Variants in SH3BP5L observed in about 807,000 individuals in gnomAD.
SH3BP5L encodes the protein SH3 domain-binding protein 5-like.
In SH3BP5L, 16 loss-of-function variants were observed where a neutral mutation model predicts 40.9. The observed-to-expected ratio is 0.39, with a 90% CI of 0.27 to 0.59. SH3BP5L has a LOEUF of 0.59. Ranked by LOEUF, SH3BP5L falls within the 20% of genes least tolerant of loss-of-function variation. SH3BP5L has a pLI of 0.53. For synonymous variants in SH3BP5L, 229 were observed against 226.7 expected (o/e 1.01, Z -0.09); for missense variants, 471 against 544.6 (o/e 0.86, Z 1.35).
chr1:248,814,431 T>C lies in SH3BP5L; in HGVS notation c.537+18A>G, dbSNP rs1279553056. ...ACGAGAACCAGCGAAGGGGACCTGC[T>C]GGCACCGCCCGGCTCACCTTGCAGG... On this transcript the variant is annotated intron_variant, in intron 5 of 6. Coordinates refer to ENST00000366472, the MANE Select transcript of SH3BP5L (RefSeq NM_030645.3). The C allele has an allele frequency of 1.9e-6, 3 of 1,613,374 alleles. No individual in the cohort carries two copies. Among genetic ancestry groups the C allele is most frequent in the Admixed American group, 1.7e-5 (1 of 59,982 alleles).
In SH3BP5L at chr1:248,824,182, T is replaced by C. The variant is rs190282715; in HGVS notation, c.183+571A>G. Among the ~76,000 whole-genome samples, 889 of 152,342 alleles carry C rather than the reference T, an allele frequency of 5.8e-3. 4 individuals carry two copies. The highest frequency in any genetic ancestry group is 9.3e-3 in the Non-Finnish European group (633 of 68,034). On this transcript the variant is annotated intron_variant, in intron 2 of 6. Transcript: ENST00000366472. ...CAAAAGTTACAAATCCTTGAACATATGGGGTTTCTTTATAGATCTAAAGTT... is the reference window on the plus strand; with the variant it reads ...CAAAAGTTACAAATCCTTGAACATACGGGGTTTCTTTATAGATCTAAAGTT...
rs553714887 is a variant in SH3BP5L at position 248,821,289 on chromosome 1, T to A, written c.183+3464A>T. The A allele has an allele frequency of 1.3e-5, 2 of 152,410 alleles. No homozygotes were observed. The highest frequency in any genetic ancestry group is 1.9e-4 in the East Asian group (1 of 5,184). 9.4% of individuals were successfully genotyped at this position (152,410 alleles called of 1,614,324 possible). A position where few individuals can be genotyped will look rare whatever the true frequency, so the allele number is the denominator to read the frequency against. On this transcript the variant is annotated intron_variant, in intron 2 of 6. Transcript: ENST00000366472. This position sits in a 1 kb window ranked among gnomAD's most constrained non-coding sequence, Gnocchi z 4.6. ...GAAACGGAATTTGGGGAGGACAAAG[T>A]CTGAATCAACGTGCATCATCCATCA...
rs1663883711 is a variant in SH3BP5L at position 248,810,753 on chromosome 1, C to A, written c.*1147G>T. 6.6e-6 allele frequency: 1 copy of A among 152,382 alleles called. No homozygotes were observed. Among genetic ancestry groups the A allele is most frequent in the Non-Finnish European group, 1.5e-5 (1 of 68,080 alleles). The allele number at this position is 152,382 out of a possible 1,614,324, so 9.4% of individuals were successfully genotyped here. On this transcript the variant is annotated 3_prime_UTR_variant, in exon 7 of 7. Transcript: ENST00000366472. Reference sequence around the variant, plus strand: ...CCCAAGGCACCCAGATCTGGTGTGGCTTCCCTACAAACTGGGAGCACTGCC... The same window carrying A: ...CCCAAGGCACCCAGATCTGGTGTGGATTCCCTACAAACTGGGAGCACTGCC...
chr1:248,824,971 G>C lies in SH3BP5L; in HGVS notation c.-36C>G, dbSNP rs1215424697. The C allele has an allele frequency of 2.5e-6, 4 of 1,585,800 alleles. No individual in the cohort carries two copies. The highest frequency in any genetic ancestry group is 4.5e-5 in the East Asian group (2 of 44,578). ...GGAGGGCAGAGCCCTATGCACAAGA[G>C]AGGACTGACATGCTGGGACCAGGGC... is the stretch of plus-strand genomic sequence containing the variant. On this transcript the variant is annotated 5_prime_UTR_variant, in exon 2 of 7. Coordinates refer to ENST00000366472, the MANE Select transcript of SH3BP5L (RefSeq NM_030645.3).
Position 248,813,179 on chromosome 1 carries a change from A to T in SH3BP5L, c.538-17T>A. ...CTCATTCACCTGGCCCAGAGGACAC[A>T]TCACTGAGCCAGGACCCATGCTTCA... On this transcript the variant is annotated splice_polypyrimidine_tract_variant and intron_variant, in intron 5 of 6. Transcript: ENST00000366472. The T allele has an allele frequency of 1.3e-6, 2 of 1,536,706 alleles. No homozygotes were observed. The highest frequency in any genetic ancestry group is 1.8e-6 in the Non-Finnish European group (2 of 1,138,402).
At position 248,812,979 on chromosome 1, in the gene SH3BP5L, A is replaced by C. The variant is rs1460726978; in HGVS notation, c.711+10T>G. ...TACCCATTCCTCCTCCCCCTCACCC[A>C]CTCAGCTACCTCCAGGATCTGGCTG... On this transcript the variant is annotated intron_variant, in intron 6 of 6. Transcript: ENST00000366472. This position sits in a 1 kb window ranked among gnomAD's most constrained non-coding sequence, Gnocchi z 6.1. The C allele has an allele frequency of 5.2e-6, 8 of 1,552,388 alleles. No individual in the cohort carries two copies. The highest frequency in any genetic ancestry group is 1.4e-5 in the African/African-American group (1 of 72,134).
intron 2 of SH3BP5L, among the ~76,000 whole-genome samples, chr1:248,822,620 A>G (rs1176935730): frequency 1.3e-5 from 2 of 152,130 alleles, no homozygotes; most frequent in Non-Finnish European, 2.9e-5. Context: ...CAGTGATGAC[A>G]GAATATTCTA....
In SH3BP5L at chr1:248,811,440, G is replaced by C. The variant is rs1368072770; in HGVS notation, c.*460C>G. 6.0e-6 allele frequency: 1 copy of C among 165,752 alleles called. No individual in the cohort carries two copies. The highest frequency in any genetic ancestry group is 1.3e-5 in the Non-Finnish European group (1 of 77,418). 10.3% of individuals were successfully genotyped at this position (165,752 alleles called of 1,614,324 possible). On this transcript the variant is annotated 3_prime_UTR_variant, in exon 7 of 7. Coordinates refer to ENST00000366472, the MANE Select transcript of SH3BP5L (RefSeq NM_030645.3). ...CCCTCCAGAGTTGCCTTGGGAAGGG[G>C]GGCGGGGCTGGAAACCAACGGGAGG...
At position 248,825,248 on chromosome 1, in the gene SH3BP5L, G is replaced by T. The variant is rs892528426; in HGVS notation, c.-313C>A. 2 of 1,096,786 alleles carry T rather than the reference G, an allele frequency of 1.8e-6. No homozygotes were observed. The highest frequency in any genetic ancestry group is 3.3e-5 in the African/African-American group (2 of 60,620). The allele number at this position is 1,096,786 out of a possible 1,614,324, so 67.9% of individuals were successfully genotyped here. On this transcript the variant is annotated 5_prime_UTR_variant, in exon 2 of 7. Transcript: ENST00000366472. ...AAAGGGGGCTTGGATCCTGGACCGA[G>T]GCCTGCTAGGAGGAGCACCATTCGG...
intron 4 of SH3BP5L, 190 bp from the exon 5 acceptor site, chr1:248,814,800 C>A (rs2103013811): frequency 5.5e-6 from 4 of 723,522 alleles, no homozygotes; most frequent in Non-Finnish European, 9.8e-6. Flanking sequence ...AGGATATGGA[C>A]TAGAAGAAAT....
intron 2 of SH3BP5L, among the ~76,000 whole-genome samples, chr1:248,818,907 A>C (rs986913204): frequency 6.6e-6 from 1 of 152,240 alleles, no homozygotes; most frequent in Non-Finnish European, 1.5e-5. Context: ...AGAGAGACCC[A>C]GCCCAGCATG....
chr1:248,817,661 T>A (rs980426235), intron 2 of SH3BP5L, among the ~76,000 whole-genome samples: 33 of 152,054 alleles, frequency 2.2e-4, no homozygotes, highest in African/African-American at 7.7e-4. Context: ...GAGACCAGCC[T>A]GGGCAACATG....
At chr1:248,824,642 C>T (rs1352520131) in intron 2 of SH3BP5L, 111 bp downstream of exon 2, 5 of 1,343,450 alleles carry the variant, frequency 3.7e-6, no homozygotes, top group African/African-American at 1.5e-5. Flanking sequence ...GTTCTCCTTT[C>T]CTGCCCCAGC....
At chr1:248,816,777 T>C (rs1408683970) in intron 3 of SH3BP5L, 45 bp downstream of exon 3, 5 of 1,612,908 alleles carry the variant, frequency 3.1e-6, no homozygotes, top group Non-Finnish European at 4.2e-6. Flanking sequence ...CAGATGGAGA[T>C]ACTTCCAAGG....
At chr1:248,817,579 A>G (rs1457705413) in intron 2 of SH3BP5L, among the ~76,000 whole-genome samples, 5 of 152,204 alleles carry the variant, frequency 3.3e-5, no homozygotes, top group Non-Finnish European at 1.5e-5. Flanking sequence ...ATGACTAGGC[A>G]AGGTGGCTCA....
rs77173446 is a variant in SH3BP5L, at chr1:248,818,415, G to A, written c.184-1531C>T. Among the ~76,000 whole-genome samples the A allele has an allele frequency of 7.1e-3, 1,076 of 152,288 alleles. 14 individuals are homozygous for A. The highest frequency in any genetic ancestry group is 0.024 in the African/African-American group (1,006 of 41,556). ...ATAGTATTCCAGGTGGCAGAGGAGAGGGCAGATCCCAAGGCAACGCAGGAC... is the reference window on the plus strand; with the variant it reads ...ATAGTATTCCAGGTGGCAGAGGAGAAGGCAGATCCCAAGGCAACGCAGGAC... On this transcript the variant is annotated intron_variant, in intron 2 of 6. Transcript: ENST00000366472.
rs905271786 is a variant in SH3BP5L, at chr1:248,825,883, C to A, written c.-480G>T. 2 of 854,192 alleles carry A rather than the reference C, an allele frequency of 2.3e-6. No individual in the cohort carries two copies. The highest frequency in any genetic ancestry group is 4.1e-5 in the African/African-American group (1 of 24,218). The allele number at this position is 854,192 out of a possible 1,614,324, so 52.9% of individuals were successfully genotyped here. ...GAGCTTCTATGCTGCAAACAATCTC[C>A]CCCCCTCCCTCCCCGCAACAAGCCG... On this transcript the variant is annotated 5_prime_UTR_variant, in exon 1 of 7. Transcript: ENST00000366472.
rs758028400 is a variant in SH3BP5L at position 248,816,893 on chromosome 1, G to C, written c.184-9C>G. The C allele has an allele frequency of 1.9e-6, 3 of 1,614,134 alleles. No homozygotes were observed. Among genetic ancestry groups the C allele is most frequent in the Non-Finnish European group, 2.5e-6 (3 of 1,179,988 alleles). On this transcript the variant is annotated splice_polypyrimidine_tract_variant and intron_variant, in intron 2 of 6. Coordinates refer to ENST00000366472, the MANE Select transcript of SH3BP5L (RefSeq NM_030645.3). ...AGGTGCTCCAACTCCTCCTGCCACAGAGAGGGGTGGCAAATTAGTGCAGTG... is the reference window on the plus strand; with the variant it reads ...AGGTGCTCCAACTCCTCCTGCCACACAGAGGGGTGGCAAATTAGTGCAGTG...
chr1:248,816,521 C>CAGCCAGCCATACCTCCTT lies in SH3BP5L; in HGVS notation c.370_375+12dup. ...GCACGTAGCCTTCCTCAAACGTGGTCAGCCAGCCATACCTCCTTAGCCAGC... is the reference window on the plus strand; with the variant it reads ...GCACGTAGCCTTCCTCAAACGTGGTCAGCCAGCCATACCTCCTTAGCCAGCCATACCTCCTTAGCCAGC... On this transcript the variant is annotated intron_variant, in intron 4 of 6. Transcript: ENST00000366472. 1 of 1,613,682 alleles carries CAGCCAGCCATACCTCCTT rather than the reference C, an allele frequency of 6.2e-7. No homozygotes were observed. Among genetic ancestry groups the CAGCCAGCCATACCTCCTT allele is most frequent in the South Asian group, 1.1e-5 (1 of 91,030 alleles).
Sources: gnomAD v4.1 joint callset for allele counts (sites outside exome capture counted in the v4.1 genomes callset) on GRCh38, gnomAD v4.1.1 for gene constraint, Gnocchi (gnomAD v3.1) non-coding constraint, MANE v1.5 for transcripts, NCBI Gene and HGNC (gene_info 2026-07-23, HGNC 2026-07-21) for gene names.